Variants in ZFHX3 observed in about 807,000 individuals in gnomAD.
The protein encoded by ZFHX3 is zinc finger homeobox protein 3.
In ZFHX3, 42 loss-of-function variants were observed where a neutral mutation model predicts 279.1. The observed-to-expected ratio is 0.15, with a 90% CI of 0.12 to 0.19. The LOEUF is 0.19. Ranked by LOEUF, ZFHX3 falls within the 10% of genes least tolerant of loss-of-function variation. ZFHX3 has a pLI of 1.00. For missense variants in ZFHX3, 4,981 were observed against 4,754.0 expected, an observed-to-expected ratio of 1.05 and a Z score of -1.40; for synonymous variants, 2,293 against 1,957.8, an observed-to-expected ratio of 1.17 and a Z score of -4.52.
intron 1 of ZFHX3, among the ~76,000 whole-genome samples, chr16:73,711,975 AAAGAAGGGG>A (rs1418166910): frequency 1.3e-5 from 2 of 152,346 alleles, no homozygotes; most frequent in African/African-American, 4.8e-5. Flanking sequence ...CCCAGGCAGG[AAAGAAGGGG>A]AAGCAAAAGA....
intron 2 of ZFHX3, among the ~76,000 whole-genome samples, chr16:73,499,026 G>A (rs527748401): frequency 3.9e-4 from 59 of 152,146 alleles, no homozygotes; most frequent in Non-Finnish European, 5.3e-4. Flanking sequence ...GACCTGAAGT[G>A]GGGTTGGACT....
rs75906598 is a variant in ZFHX3, at chr16:72,799,569, A to G, written c.3967+458T>C. 7.9e-5 allele frequency among the ~76,000 whole-genome samples: 12 copies of G among 152,320 alleles called. No homozygotes were observed. In the East Asian group the frequency reaches 1.7e-3, roughly 22 times the overall value. Reference sequence around the variant, plus strand: ...GTGGCACCAACTACTGTCTACAACAATGTTCTTTCCATCAGCATCTCTGTG... The same window carrying G: ...GTGGCACCAACTACTGTCTACAACAGTGTTCTTTCCATCAGCATCTCTGTG... On this transcript the variant is annotated intron_variant, in intron 8 of 9. Transcript: ENST00000268489.
At chr16:73,496,107 A>C (rs1408768205) in intron 2 of ZFHX3, among the ~76,000 whole-genome samples, 1 of 152,230 alleles carries the variant, frequency 6.6e-6, no homozygotes, top group Non-Finnish European at 1.5e-5. Context: ...TATAAATCCT[A>C]AAGTAAGGTG....
chr16:72,788,113 TGCTGCTGCTGCTGTAGTTGCC>T lies in ZFHX3; in HGVS notation c.10142_10162del (p.Arg3381_Gln3387del), dbSNP rs755516522. ...GGGCTGCTGCTGCTGCACTTTTTGCTGCTGCTGCTGCTGTAGTTGCCGCTGCTGCTGCTGCTGAATTGCCTC... is the reference window on the plus strand; with the variant it reads ...GGGCTGCTGCTGCTGCACTTTTTGCTGCTGCTGCTGCTGCTGAATTGCCTC... On this transcript the variant is annotated inframe_deletion, in exon 10 of 10. Coordinates refer to ENST00000268489, the MANE Select transcript of ZFHX3 (RefSeq NM_006885.4). The T allele has an allele frequency of 4.2e-3, 6,818 of 1,608,306 alleles. 11 individuals carry two copies. The highest frequency in any genetic ancestry group is 4.7e-3 in the Non-Finnish European group (5,551 of 1,177,310).
chr16:73,395,586 C>T (rs1276301246), intron 3 of ZFHX3, among the ~76,000 whole-genome samples: 1 of 152,014 alleles, frequency 6.6e-6, no homozygotes, highest in Non-Finnish European at 1.5e-5. Context: ...TCCACAGCAT[C>T]TAGAGTTGTA....
At chr16:73,767,064 T>C (rs1221228206) in intron 1 of ZFHX3, among the ~76,000 whole-genome samples, 1 of 151,680 alleles carries the variant, frequency 6.6e-6, no homozygotes, top group East Asian at 1.9e-4. Context: ...GCCTCCTGAG[T>C]AGCTGGGATT....
chr16:73,224,533 G>A (rs2012531244), intron 5 of ZFHX3, among the ~76,000 whole-genome samples: 1 of 152,220 alleles, frequency 6.6e-6, no homozygotes, highest in Non-Finnish European at 1.5e-5. Context: ...AAGCTAACAT[G>A]TCTCAAAGGC....
At chr16:73,324,357 G>A (rs950839338) in intron 3 of ZFHX3, among the ~76,000 whole-genome samples, 1 of 152,200 alleles carries the variant, frequency 6.6e-6, no homozygotes, top group African/African-American at 2.4e-5. Context: ...TGATCTTTGA[G>A]TGTGGTAGAC....
chr16:73,151,294 A>C (rs1255446666), intron 5 of ZFHX3, among the ~76,000 whole-genome samples: 3 of 152,190 alleles, frequency 2.0e-5, no homozygotes, highest in African/African-American at 7.2e-5. Flanking sequence ...GTGGTGAGGG[A>C]CATGGAGGGA....
At chr16:72,939,639 G>A (rs1215843453) in intron 3 of ZFHX3, among the ~76,000 whole-genome samples, 1 of 152,230 alleles carries the variant, frequency 6.6e-6, no homozygotes, top group Non-Finnish European at 1.5e-5. Context: ...TGTAATCCCA[G>A]CACTTTGGGA....
chr16:73,591,014 G>T (rs367771550), intron 2 of ZFHX3, among the ~76,000 whole-genome samples: 1 of 152,158 alleles, frequency 6.6e-6, no homozygotes, highest in Non-Finnish European at 1.5e-5. Flanking sequence ...GGTGCAAACC[G>T]CAAAATCCAA....
chr16:73,793,213 G>A (rs769787863), intron 1 of ZFHX3, among the ~76,000 whole-genome samples: 1 of 152,184 alleles, frequency 6.6e-6, no homozygotes, highest in Non-Finnish European at 1.5e-5. Context: ...TCCTTCAGGG[G>A]GAATAAGATG....
chr16:73,366,881 G>C (rs2016540421), intron 3 of ZFHX3, among the ~76,000 whole-genome samples: 1 of 151,974 alleles, frequency 6.6e-6, no homozygotes, highest in Non-Finnish European at 1.5e-5. Flanking sequence ...TTTTTGGTTG[G>C]GATTCTAAAG....
chr16:73,724,694 A>T (rs1286450352), intron 1 of ZFHX3, among the ~76,000 whole-genome samples: 1 of 152,224 alleles, frequency 6.6e-6, no homozygotes, highest in Non-Finnish European at 1.5e-5. Context: ...TCTGCCTAGC[A>T]ACTTCCTCGG....
At chr16:72,820,027 G>A (rs1475153006) in intron 5 of ZFHX3, among the ~76,000 whole-genome samples, 1 of 152,184 alleles carries the variant, frequency 6.6e-6, no homozygotes, top group Non-Finnish European at 1.5e-5. Context: ...TCAGGCACCT[G>A]CAGGCCTCAG....
At chr16:73,523,898 A>T (rs2019649086) in intron 2 of ZFHX3, among the ~76,000 whole-genome samples, 1 of 152,172 alleles carries the variant, frequency 6.6e-6, no homozygotes, top group African/African-American at 2.4e-5. Flanking sequence ...GCAAAAGGGG[A>T]TGGTCAACTG....
chr16:73,816,676 C>T lies in ZFHX3; in HGVS notation c.-1608+74975G>A, dbSNP rs117928749. The stretch of plus-strand genomic sequence containing the variant: ...GAGGGCTGAATCTCAGGCAGGGGTA[C>T]GGACTGAATAGGCAAAGTAGCTTTC... On this transcript the variant is annotated intron_variant, in intron 1 of 17. Coordinates refer to the ZFHX3 transcript ENST00000641206. Among the ~76,000 whole-genome samples, 888 of 152,158 alleles carry T rather than the reference C, an allele frequency of 5.8e-3. 1 individual carries two copies. Among genetic ancestry groups the T allele is most frequent in the Non-Finnish European group, 9.3e-3 (630 of 68,008 alleles).
intron 1 of ZFHX3, among the ~76,000 whole-genome samples, chr16:73,055,847 T>TAC (rs10672414): frequency 0.072 from 10,035 of 138,584 alleles, 432 homozygotes; most frequent in African/African-American, 0.12. Flanking sequence ...CCTACAACTC[T>TAC]ACACACACAC....
At chr16:73,709,727 A>ATTGTT (rs1172722154) in intron 1 of ZFHX3, among the ~76,000 whole-genome samples, 1 of 152,188 alleles carries the variant, frequency 6.6e-6, no homozygotes, top group East Asian at 1.9e-4. Flanking sequence ...AGACAGTAAC[A>ATTGTT]ATGTACTGTA....
Sources: gnomAD v4.1 joint callset for allele counts (sites outside exome capture counted in the v4.1 genomes callset) on GRCh38, gnomAD v4.1.1 for gene constraint, MANE v1.5 for transcripts, NCBI Gene and HGNC (gene_info 2026-07-23, HGNC 2026-07-21) for gene names.